Variants in MYO1B observed in about 807,000 individuals in gnomAD.
The protein encoded by MYO1B is unconventional myosin-Ib.
In MYO1B, 72 loss-of-function variants were observed where a neutral mutation model predicts 159.7. The observed-to-expected ratio is 0.45, with a 90% CI of 0.37 to 0.55. The LOEUF (loss-of-function observed/expected upper bound fraction) is 0.55, where lower values mean the gene tolerates loss of function less well. MYO1B is among the 20% of genes least tolerant of loss of function. The pLI, the probability that MYO1B is intolerant of heterozygous loss-of-function variation, is 0.00. For missense variants in MYO1B, 1,062 were observed against 1,364.8 expected (o/e 0.78, Z 3.50); for synonymous variants, 468 against 473.8 (o/e 0.99, Z 0.16).
At chr2:191,372,910 C>T (rs749096258) in intron 13 of MYO1B, among the ~76,000 whole-genome samples, 2 of 84,844 alleles carry the variant, frequency 2.4e-5, no homozygotes, top group Non-Finnish European at 4.0e-5. Flanking sequence ...TTTTTTGTGA[C>T]GGAGTCTCAC....
At chr2:191,278,167 TCTAGAGTC>T (rs1687856681) in intron 2 of MYO1B, among the ~76,000 whole-genome samples, 1 of 152,200 alleles carries the variant, frequency 6.6e-6, no homozygotes, top group Admixed American at 6.5e-5. Context: ...TCTCAACAGT[TCTAGAGTC>T]TGGGAAGTCC....
chr2:191,384,997 C>G (rs565628207), intron 15 of MYO1B, among the ~76,000 whole-genome samples: 1 of 152,236 alleles, frequency 6.6e-6, no homozygotes, highest in Admixed American at 6.5e-5. Flanking sequence ...CAGAGGATGT[C>G]GTGGCCTTGT....
At chr2:191,380,578 C>G (rs1032693088) in intron 13 of MYO1B, among the ~76,000 whole-genome samples, 1 of 152,174 alleles carries the variant, frequency 6.6e-6, no homozygotes, top group Non-Finnish European at 1.5e-5. Context: ...ATTTGGTGCT[C>G]TCAGGATGTA....
chr2:191,346,414 C>A, intron 6 of MYO1B, 132 bp downstream of exon 6: 1 of 605,136 alleles, frequency 1.7e-6, no homozygotes, highest in Non-Finnish European at 2.6e-6. Flanking sequence ...TATTGAAACA[C>A]AAAGTTCTAT....
chr2:191,345,673 A>G (rs1220639056), intron 5 of MYO1B, among the ~76,000 whole-genome samples: 2 of 152,218 alleles, frequency 1.3e-5, no homozygotes, highest in Non-Finnish European at 2.9e-5. Context: ...GAAACCATGT[A>G]GCACTTGTAG....
chr2:191,245,772 T>C (rs1471410475), intron 1 of MYO1B, 146 bp downstream of exon 1: 1 of 152,018 alleles, frequency 6.6e-6, no homozygotes, highest in Non-Finnish European at 1.5e-5. Flanking sequence ...TCTGCCGCTC[T>C]CTTGGGAGAC....
Position 191,397,128 on chromosome 2 carries a change from C to CTTTTTTT in MYO1B, c.2295+654_2295+660dup, listed in dbSNP as rs796198342. 3.3e-3 allele frequency among the ~76,000 whole-genome samples: 105 copies of CTTTTTTT among 32,176 alleles called. 4 individuals are homozygous for CTTTTTTT. Among genetic ancestry groups the CTTTTTTT allele is most frequent in the African/African-American group, 3.9e-3 (59 of 15,028 alleles). The allele number at this position is 32,176 out of a possible 152,430, so 21.1% of individuals were successfully genotyped here. On this transcript the variant is annotated intron_variant, in intron 21 of 30. Transcript: ENST00000392318. The stretch of plus-strand genomic sequence containing the variant: ...TTAAAAAAGCAAAAGAAGATGATTT[C>CTTTTTTT]TTTTTTTTTTTTTTTTTTTTTTTTT...
intron 13 of MYO1B, among the ~76,000 whole-genome samples, chr2:191,375,565 C>T (rs1455692657): frequency 6.6e-6 from 1 of 152,116 alleles, no homozygotes; most frequent in East Asian, 1.9e-4. Flanking sequence ...GAGCCGGGCA[C>T]TCCTCCCCAT....
intron 2 of MYO1B, among the ~76,000 whole-genome samples, chr2:191,288,534 T>C (rs1029735138): frequency 1.2e-4 from 18 of 152,198 alleles, no homozygotes; most frequent in Admixed American, 7.9e-4. Context: ...CTAGAGAAGT[T>C]AACTCTTAAA....
intron 1 of MYO1B, among the ~76,000 whole-genome samples, chr2:191,261,424 A>G (rs2125691370): frequency 6.6e-6 from 1 of 152,336 alleles, no homozygotes; most frequent in African/African-American, 2.4e-5. Context: ...GTCATTCATG[A>G]TTGGTGGGTT....
At position 191,414,031 on chromosome 2, in the gene MYO1B, G is replaced by C. The variant is rs749770019; in HGVS notation, c.2874-17G>C. 1 of 1,581,404 alleles carries C rather than the reference G, an allele frequency of 6.3e-7. No homozygotes were observed. Among genetic ancestry groups the C allele is most frequent in the Non-Finnish European group, 8.6e-7 (1 of 1,166,804 alleles). On this transcript the variant is annotated splice_polypyrimidine_tract_variant and intron_variant, in intron 27 of 30. Coordinates refer to ENST00000392318, the MANE Select transcript of MYO1B (RefSeq NM_001130158.3). ...ATTTGAAACTATTTCTAATGTGCAG[G>C]AATTTTTTTCCTTTAGTGTTGGGCA...
intron 2 of MYO1B, among the ~76,000 whole-genome samples, chr2:191,294,993 T>C (rs1688899404): frequency 1.3e-5 from 2 of 152,188 alleles, no homozygotes; most frequent in African/African-American, 4.8e-5. Flanking sequence ...TGGAAAAACT[T>C]GTTGCTCTAA....
At chr2:191,378,283 T>TTTTTTTC (rs929029866) in intron 13 of MYO1B, among the ~76,000 whole-genome samples, 2 of 136,070 alleles carry the variant, frequency 1.5e-5, no homozygotes, top group African/African-American at 7.6e-5. Flanking sequence ...GCATGTTTTC[T>TTTTTTTC]TTTTTTCTTT....
rs771745132 is a variant in MYO1B, at chr2:191,411,074, A to G, written c.2775A>G (p.Lys925=). ...KRIFHLWRCK[K]YRDQFTDQQK... Reference sequence around the variant, plus strand: ...CTTCTCATATCTCACAGTGTAAAAAATACAGGGACCAATTCACAGACCAGC... The same window carrying G: ...CTTCTCATATCTCACAGTGTAAAAAGTACAGGGACCAATTCACAGACCAGC... The change falls in exon 27 of 31, where the codon AAA becomes AAG. Residue 925 remains lysine (K), a synonymous_variant. Transcript: ENST00000392318. The G allele has an allele frequency of 2.3e-5, 37 of 1,599,052 alleles. No homozygotes were observed. The African/African-American group carries it at 4.2e-4, about 18-fold the overall frequency.
intron 3 of MYO1B, among the ~76,000 whole-genome samples, chr2:191,329,396 A>G (rs1306801958): frequency 6.6e-6 from 1 of 152,070 alleles, no homozygotes; most frequent in African/African-American, 2.4e-5. Context: ...TTGGTATTTG[A>G]TAATATTTTT....
chr2:191,335,545 G>A (rs139239521), intron 4 of MYO1B, among the ~76,000 whole-genome samples: 4 of 152,228 alleles, frequency 2.6e-5, no homozygotes, highest in East Asian at 1.9e-4. Context: ...GAAGAGGGAT[G>A]CCAGGCCATT....
intron 1 of MYO1B, among the ~76,000 whole-genome samples, chr2:191,258,666 T>G (rs1315279695): frequency 6.6e-6 from 1 of 152,220 alleles, no homozygotes; most frequent in African/African-American, 2.4e-5. Context: ...GCTTATTTGC[T>G]TTTGTCACAG....
chr2:191,402,458 G>A lies in MYO1B; in HGVS notation c.2470-174G>A, dbSNP rs1316652231. ...ATCTCAGTGCACTGAAAATATAAGC[G>A]CTGCACCAGCCTGACACCAATTCTT... is the stretch of plus-strand genomic sequence containing the variant. On this transcript the variant is annotated intron_variant, in intron 23 of 30. Transcript: ENST00000392318. 5 of 618,808 alleles carry A rather than the reference G, an allele frequency of 8.1e-6. No homozygotes were observed. In the Admixed American group the frequency reaches 8.1e-5, roughly 10 times the overall value. The allele number at this position is 618,808 out of a possible 1,614,324, so 38.3% of individuals were successfully genotyped here.
In MYO1B at chr2:191,253,449, C is replaced by T. The variant is rs965019700; in HGVS notation, c.-10+7823C>T. 2.0e-5 allele frequency among the ~76,000 whole-genome samples: 3 copies of T among 152,232 alleles called. No individual in the cohort carries two copies. The South Asian group carries it at 6.2e-4, about 32-fold the overall frequency. ...GTTGTTCTGGATCGTTCCTTCCCCC[C>T]AGAAGCCCCTCTCCCCTATCACACT... On this transcript the variant is annotated intron_variant, in intron 1 of 30. Coordinates refer to ENST00000392318, the MANE Select transcript of MYO1B (RefSeq NM_001130158.3).
Sources: allele counts gnomAD v4.1 joint callset (sites outside exome capture counted in the v4.1 genomes callset), GRCh38; gene constraint gnomAD v4.1.1; transcripts MANE v1.5; gene names NCBI Gene and HGNC (gene_info 2026-07-23, HGNC 2026-07-21).